NRL: variants seen among roughly 807,000 people sequenced by gnomAD.
NRL encodes the protein neural retina leucine zipper, also known as neural retina-specific leucine zipper protein.
A neutral mutation model predicts 12.5 loss-of-function variants in NRL; 16 were observed. The observed-to-expected ratio is 1.28, with a 90% confidence interval of 0.87 to 1.95. The LOEUF is 1.95. Ranked by LOEUF, NRL falls within the 30% of genes most tolerant of loss-of-function variation. The pLI is 0.00. For synonymous variants in NRL, 142 were observed against 150.9 expected (o/e 0.94, Z 0.43); for missense variants, 314 against 325.8 (o/e 0.96, Z 0.28).
intron 1 of NRL, among the ~76,000 whole-genome samples, chr14:24,084,014 C>G (rs1031828621): frequency 1.3e-5 from 2 of 152,164 alleles, no homozygotes; most frequent in African/African-American, 4.8e-5. Flanking sequence ...TAACTCCCAC[C>G]CCACCCCCAG....
chr14:24,095,326 C>A, intron 1 of NRL: 1 of 429,636 alleles, frequency 2.3e-6, no homozygotes, highest in Non-Finnish European at 4.7e-6. Context: ...AGACTGTGTG[C>A]TTGAAAACTG....
rs1176832386 is a variant in NRL, at chr14:24,079,335, G to C, written c.*1901C>G. Among the ~76,000 whole-genome samples, 2 of 152,184 alleles carry C rather than the reference G, an allele frequency of 1.3e-5. No homozygotes were observed. The highest frequency in any genetic ancestry group is 4.8e-5 in the African/African-American group (2 of 41,444). On this transcript the variant is annotated 3_prime_UTR_variant, in exon 3 of 3. Transcript: ENST00000561028. Reference sequence around the variant, plus strand: ...GATAGACACAGGTGAAATTTAGAGTGAGAGAAAAAGAGCTGGGCTCCCGGA... The same window carrying C: ...GATAGACACAGGTGAAATTTAGAGTCAGAGAAAAAGAGCTGGGCTCCCGGA...
chr14:24,088,866 C>A (rs1284092777), intron 1 of NRL, among the ~76,000 whole-genome samples: 2 of 140,100 alleles, frequency 1.4e-5, no homozygotes, highest in Non-Finnish European at 3.0e-5. Flanking sequence ...AGGGCAGTGG[C>A]GCGATCTTGG....
chr14:24,099,704 G>A (rs1341511001), intron 1 of NRL: 2 of 1,614,010 alleles, frequency 1.2e-6, no homozygotes, highest in African/African-American at 2.7e-5. Flanking sequence ...TTGCTTGGAT[G>A]AGGTTTGACA....
intron 1 of NRL, among the ~76,000 whole-genome samples, chr14:24,108,923 G>A (rs981714656): frequency 2.0e-5 from 3 of 152,182 alleles, no homozygotes; most frequent in African/African-American, 4.8e-5. Context: ...TGCAGTAGAG[G>A]AGAGGAGGAC....
intron 1 of NRL, among the ~76,000 whole-genome samples, chr14:24,087,490 GT>G (rs2138889544): frequency 6.6e-6 from 1 of 151,774 alleles, no homozygotes; most frequent in East Asian, 1.9e-4. Context: ...AAATGAGACA[GT>G]CAGCATTCCA....
chr14:24,098,996 C>A, intron 1 of NRL: 2 of 1,413,822 alleles, frequency 1.4e-6, no homozygotes, highest in South Asian at 1.2e-5. Flanking sequence ...CTGGCCCCGA[C>A]ACCCCAGTTC....
Position 24,094,164 on chromosome 14 carries a change from G to A in NRL, c.-27-11289C>T, listed in dbSNP as rs1279165480. On this transcript the variant is annotated intron_variant, in intron 1 of 2. Coordinates refer to ENST00000561028, the MANE Select transcript of NRL (RefSeq NM_001354768.3). The surrounding 1 kb of genome is among the most constrained non-coding windows in gnomAD (Gnocchi z 4.1). ...GCGGTTTGGAGGCAGGGGTTGGGGC[G>A]GCGGCTGGGCTGACCTGGAGCCTGG... 11 of 546,344 alleles carry A rather than the reference G, an allele frequency of 2.0e-5. No homozygotes were observed. The highest frequency in any genetic ancestry group is 3.9e-5 in the Admixed American group (1 of 25,662). The allele number at this position is 546,344 out of a possible 1,614,324, so 33.8% of individuals were successfully genotyped here.
chr14:24,111,261 A>G (rs759879269), intron 1 of NRL, among the ~76,000 whole-genome samples: 64 of 152,090 alleles, frequency 4.2e-4, no homozygotes, highest in Non-Finnish European at 7.8e-4. Flanking sequence ...TTACAGTCGT[A>G]AGCCACCGTG....
intron 1 of NRL, chr14:24,098,297 C>T (rs1270313957): frequency 6.2e-7 from 1 of 1,614,020 alleles, no homozygotes; most frequent in African/African-American, 1.3e-5. Context: ...ACCACTCCCG[C>T]CTGGTGGGGC....
rs970712188 is a variant in NRL, at chr14:24,082,537, T to C, written c.312A>G (p.Pro104=). ...EAMELLQGQG[P]VPVDGPHGYY... ...AGCCATGGGGCCCATCAACAGGGAC[T>C]GGGCCCTGACCCTGCAGCAGCTCCA... is the stretch of plus-strand genomic sequence containing the variant. Residue 104 remains proline, a synonymous_variant, in exon 2 of 3, where the codon CCA becomes CCG. Transcript: ENST00000561028. 1.1e-5 allele frequency: 18 copies of C among 1,613,370 alleles called. No homozygotes were observed. Among genetic ancestry groups the C allele is most frequent in the Admixed American group, 1.7e-5 (1 of 60,012 alleles).
chr14:24,094,140 C>G lies in NRL; in HGVS notation c.-27-11265G>C. 1.8e-6 allele frequency: 1 copy of G among 542,946 alleles called. No homozygotes were observed. The highest frequency in any genetic ancestry group is 2.3e-5 in the South Asian group (1 of 44,154). 33.6% of individuals were successfully genotyped at this position (542,946 alleles called of 1,614,324 possible). On this transcript the variant is annotated intron_variant, in intron 1 of 2. Transcript: ENST00000561028. The surrounding 1 kb of genome is among the most constrained non-coding windows in gnomAD (Gnocchi z 4.1). ...CCTCCAATGGGAGAGATGGGTTTGG[C>G]GGTTTGGAGGCAGGGGTTGGGGCGG...
chr14:24,099,253 A>ATC (rs2037050180), intron 1 of NRL: 1 of 1,581,306 alleles, frequency 6.3e-7, no homozygotes, highest in Non-Finnish European at 8.6e-7. Context: ...GCCTGGTGAG[A>ATC]AGCAGGGCAG....
In NRL at chr14:24,090,259, T is replaced by C. The variant is rs1450662845; in HGVS notation, c.-27-7384A>G. On this transcript the variant is annotated intron_variant, in intron 1 of 2. Coordinates refer to ENST00000561028, the MANE Select transcript of NRL (RefSeq NM_001354768.3). ...GAGACAGAAACTTGTGTGCAGGTGGTTTACTCGGGGGGGGGGGGGGGGCAC... is the reference window on the plus strand; with the variant it reads ...GAGACAGAAACTTGTGTGCAGGTGGCTTACTCGGGGGGGGGGGGGGGGCAC... 3.3e-4 allele frequency among the ~76,000 whole-genome samples: 6 copies of C among 18,458 alleles called. No individual in the cohort carries two copies. In the Admixed American group the frequency reaches 4.7e-3, roughly 14 times the overall value. The allele number at this position is 18,458 out of a possible 152,430, so 12.1% of individuals were successfully genotyped here.
intron 1 of NRL, among the ~76,000 whole-genome samples, chr14:24,113,146 G>A (rs1262440885): frequency 2.2e-4 from 18 of 81,482 alleles, no homozygotes; most frequent in South Asian, 4.9e-4. Flanking sequence ...ACCAAACACC[G>A]CATATTCTCA....
chr14:24,081,922 A>C lies in NRL; in HGVS notation c.382-354T>G. On this transcript the variant is annotated intron_variant, in intron 2 of 2. Coordinates refer to ENST00000561028, the MANE Select transcript of NRL (RefSeq NM_001354768.3). The surrounding 1 kb of genome is among the most constrained non-coding windows in gnomAD (Gnocchi z 4.4). ...TGGACCCGCACCCAGACAGCCCCCA[A>C]CCCTCCAACGCGCTGCGTTTCCCTG... 3.9e-6 allele frequency: 5 copies of C among 1,270,768 alleles called. No individual in the cohort carries two copies. Among genetic ancestry groups the C allele is most frequent in the Admixed American group, 3.6e-5 (1 of 28,118 alleles). The allele number at this position is 1,270,768 out of a possible 1,614,324, so 78.7% of individuals were successfully genotyped here. A position where few individuals can be genotyped will look rare whatever the true frequency, so the allele number is the denominator to read the frequency against.
In NRL at chr14:24,080,165, C is replaced by A. The variant is rs192098457; in HGVS notation, c.*1071G>T. On this transcript the variant is annotated 3_prime_UTR_variant, in exon 3 of 3. Transcript: ENST00000561028. ...TTTAGCTTATTGCATTAGAATTCTG[C>A]CTGGACTTCAAGTTTAATTCACAAA... The A allele has an allele frequency of 6.6e-6, 1 of 152,312 alleles. No individual in the cohort carries two copies. Among genetic ancestry groups the A allele is most frequent in the African/African-American group, 2.4e-5 (1 of 41,560 alleles). The allele number at this position is 152,312 out of a possible 1,614,324, so 9.4% of individuals were successfully genotyped here. A position where few individuals can be genotyped will look rare whatever the true frequency, so the allele number is the denominator to read the frequency against.
chr14:24,104,636 G>A (rs781669158), intron 1 of NRL, among the ~76,000 whole-genome samples: 5 of 135,256 alleles, frequency 3.7e-5, no homozygotes, highest in Non-Finnish European at 7.6e-5. Context: ...GCGAAACTCC[G>A]TCACAAAAAA....
rs374957509 is a variant in NRL at position 24,097,063 on chromosome 14, G to A, written c.-27-14188C>T. 18 of 1,613,760 alleles carry A rather than the reference G, an allele frequency of 1.1e-5. No homozygotes were observed. In the East Asian group the frequency reaches 3.6e-4, roughly 32 times the overall value. On this transcript the variant is annotated intron_variant, in intron 1 of 2. Transcript: ENST00000561028. ...GCATCCACATCTGTGATGGAACTGA[G>A]GCTGAGAATACTGCCACACTGACCC...
Sources: allele counts gnomAD v4.1 joint callset (sites outside exome capture counted in the v4.1 genomes callset), GRCh38; gene constraint gnomAD v4.1.1; non-coding constraint Gnocchi (gnomAD v3.1); transcripts MANE v1.5; gene names NCBI Gene and HGNC (gene_info 2026-07-23, HGNC 2026-07-21).